Variants in DOK5 observed in about 807,000 individuals in gnomAD.
DOK5 encodes downstream of tyrosine kinase 5.
Under a neutral mutation model 43.3 loss-of-function variants are expected in DOK5, and 27 were observed. That is an observed-to-expected ratio of 0.62 (90% CI 0.46 to 0.86). The LOEUF (loss-of-function observed/expected upper bound fraction) is 0.86. Among genes scored for constraint, DOK5 ranks in the 40% least tolerant of loss-of-function variants. The probability of loss-of-function intolerance (pLI) is 0.00; values close to 1 mark genes in which losing one functional copy is unlikely to be tolerated. For synonymous variants in DOK5, 146 were observed against 140.1 expected, an observed-to-expected ratio of 1.04 and a Z score of -0.30; for missense variants, 373 against 392.9, an observed-to-expected ratio of 0.95 and a Z score of 0.43.
chr20:54,649,400 C>T (rs79060395), intron 7 of DOK5, among the ~76,000 whole-genome samples: 18 of 150,932 alleles, frequency 1.2e-4, no homozygotes, highest in South Asian at 2.1e-4. Context: ...GCAGCCGGGG[C>T]GAAAAAAAAT....
At chr20:54,501,205 C>T (rs369164833) in intron 1 of DOK5, among the ~76,000 whole-genome samples, 2 of 151,606 alleles carry the variant, frequency 1.3e-5, no homozygotes, top group Non-Finnish European at 1.5e-5. Flanking sequence ...CGGTGGCTCA[C>T]GCCTGTAATC....
intron 5 of DOK5, among the ~76,000 whole-genome samples, chr20:54,602,636 C>A (rs1986332359): frequency 6.6e-6 from 1 of 152,146 alleles, no homozygotes; most frequent in South Asian, 2.1e-4. Context: ...TAGCTCAAAT[C>A]TTTGACAGCA....
intron 1 of DOK5, among the ~76,000 whole-genome samples, chr20:54,481,261 C>T (rs1457023961): frequency 6.6e-6 from 1 of 152,090 alleles, no homozygotes; most frequent in Non-Finnish European, 1.5e-5. Flanking sequence ...CCTCTGCCTC[C>T]TGGGTTCAAG....
chr20:54,555,929 G>A (rs1568781971), intron 2 of DOK5, among the ~76,000 whole-genome samples: 1 of 152,152 alleles, frequency 6.6e-6, no homozygotes, highest in Admixed American at 6.5e-5. Flanking sequence ...GGCTAGGTGG[G>A]GGAAGTGAAC....
intron 1 of DOK5, among the ~76,000 whole-genome samples, chr20:54,541,344 G>A (rs908122777): frequency 1.3e-5 from 2 of 152,146 alleles, no homozygotes; most frequent in Non-Finnish European, 2.9e-5. Context: ...TACGGTACCT[G>A]AAGTTGGATT....
chr20:54,554,458 T>G (rs1319193278), intron 1 of DOK5, among the ~76,000 whole-genome samples: 1 of 152,162 alleles, frequency 6.6e-6, no homozygotes, highest in Non-Finnish European at 1.5e-5. Context: ...TATTAGCTAG[T>G]TAGTTTAGTG....
intron 6 of DOK5, among the ~76,000 whole-genome samples, chr20:54,632,737 G>A (rs1029002947): frequency 7.2e-5 from 11 of 152,174 alleles, no homozygotes; most frequent in Non-Finnish European, 8.8e-5. Context: ...TCAAAGCATG[G>A]TTCCTAAATC....
intron 1 of DOK5, among the ~76,000 whole-genome samples, chr20:54,481,002 C>CATCT (rs1172898009): frequency 1.4e-4 from 5 of 34,492 alleles, no homozygotes; most frequent in African/African-American, 2.7e-4. Flanking sequence ...ATCTATCTAT[C>CATCT]ATCTATCATC....
rs928611218 is a variant in DOK5, at chr20:54,552,580, A to G, written c.67-2353A>G. Among the ~76,000 whole-genome samples, 3 of 152,138 alleles carry G rather than the reference A, an allele frequency of 2.0e-5. 1 individual carries two copies. Among genetic ancestry groups the G allele is most frequent in the African/African-American group, 7.2e-5 (3 of 41,434 alleles). On this transcript the variant is annotated intron_variant, in intron 1 of 7. Coordinates refer to ENST00000262593, the MANE Select transcript of DOK5 (RefSeq NM_018431.5). ...ACTATATGTGTACCATTTACTTTAT[A>G]TAGCTACTAATGTTGCTCTATAGAT...
At chr20:54,520,143 C>A (rs535500743) in intron 1 of DOK5, among the ~76,000 whole-genome samples, 2 of 152,254 alleles carry the variant, frequency 1.3e-5, no homozygotes, top group African/African-American at 4.8e-5. Context: ...TAATCCTGCC[C>A]CCTAAACCCT....
chr20:54,503,718 G>T (rs1982697833), intron 1 of DOK5, among the ~76,000 whole-genome samples: 1 of 152,122 alleles, frequency 6.6e-6, no homozygotes, highest in Admixed American at 6.5e-5. Flanking sequence ...TTAATTAGAG[G>T]TTTGGTTTGG....
chr20:54,606,193 A>G (rs1986462914), intron 5 of DOK5, among the ~76,000 whole-genome samples: 1 of 152,242 alleles, frequency 6.6e-6, no homozygotes, highest in Non-Finnish European at 1.5e-5. Context: ...ACTCAAAACT[A>G]TACCTGCATC....
chr20:54,617,037 G>A (rs1220294576), intron 6 of DOK5, among the ~76,000 whole-genome samples: 9 of 152,108 alleles, frequency 5.9e-5, no homozygotes, highest in East Asian at 1.9e-4. Flanking sequence ...TGATCCACCC[G>A]CCTTGGCCTC....
At chr20:54,616,784 C>CTTTTTTTTTTTTTTTTTTTTT (rs550110589) in intron 6 of DOK5, among the ~76,000 whole-genome samples, 22 of 105,738 alleles carry the variant, frequency 2.1e-4, no homozygotes, top group African/African-American at 4.7e-4. Flanking sequence ...TTTTTTTTTT[C>CTTTTTTTTTTTTTTTTTTTTT]TTTTTTTTTT....
chr20:54,641,487 G>A (rs1451560378), intron 6 of DOK5, among the ~76,000 whole-genome samples: 1 of 151,308 alleles, frequency 6.6e-6, no homozygotes, highest in Non-Finnish European at 1.5e-5. Context: ...TTCTTTAAGA[G>A]ATTGGAAATT....
intron 5 of DOK5, among the ~76,000 whole-genome samples, chr20:54,596,503 T>C (rs1025978230): frequency 9.2e-5 from 14 of 152,176 alleles, no homozygotes; most frequent in African/African-American, 3.1e-4. Context: ...AAGCTGACAG[T>C]GGGGCATGTG....
chr20:54,503,655 A>G (rs1982695366), intron 1 of DOK5, among the ~76,000 whole-genome samples: 1 of 152,190 alleles, frequency 6.6e-6, no homozygotes, highest in Non-Finnish European at 1.5e-5. Flanking sequence ...TTCCATGAGT[A>G]GAAGCTGCAT....
At position 54,545,980 on chromosome 20, in the gene DOK5, C is replaced by T. The variant is rs147171364; in HGVS notation, c.67-8953C>T. Among the ~76,000 whole-genome samples, 363 of 152,280 alleles carry T rather than the reference C, an allele frequency of 2.4e-3. 1 individual carries two copies. Among genetic ancestry groups the T allele is most frequent in the Admixed American group, 1.2e-3 (19 of 15,288 alleles). The stretch of plus-strand genomic sequence containing the variant: ...AATAAACTTCTTACAGATGGATCGA[C>T]CATCAGCCTGAGTTTATGCATCCCT... On this transcript the variant is annotated intron_variant, in intron 1 of 7. Coordinates refer to ENST00000262593, the MANE Select transcript of DOK5 (RefSeq NM_018431.5).
At chr20:54,546,080 G>GT in intron 1 of DOK5, among the ~76,000 whole-genome samples, 1 of 152,270 alleles carries the variant, frequency 6.6e-6, no homozygotes, top group Non-Finnish European at 1.5e-5. Context: ...GCAAACAAAA[G>GT]TTAGAATCCT....
Sources: gnomAD v4.1 joint callset for allele counts (sites outside exome capture counted in the v4.1 genomes callset) on GRCh38, gnomAD v4.1.1 for gene constraint, MANE v1.5 for transcripts, NCBI Gene and HGNC (gene_info 2026-07-23, HGNC 2026-07-21) for gene names.